The following PCDH15 variants were observed in gnomAD, a reference collection of about 807,000 sequenced individuals.
PCDH15 encodes the protein protocadherin related 15, also known as protocadherin-15.
Under a neutral mutation model 178.5 loss-of-function variants are expected in PCDH15, and 129 were observed. That is an observed-to-expected ratio of 0.72 (90% CI 0.63 to 0.84). The LOEUF (loss-of-function observed/expected upper bound fraction) is 0.84, where lower values mean the gene tolerates loss of function less well. Among genes scored for constraint, PCDH15 ranks in the 40% least tolerant of loss-of-function variants. The pLI is 0.00. For missense variants in PCDH15, 2,230 were observed against 2,099.9 expected, an observed-to-expected ratio of 1.06 and a Z score of -1.21; for synonymous variants, 800 against 732.0, an observed-to-expected ratio of 1.09 and a Z score of -1.50.
intron 2 of PCDH15, among the ~76,000 whole-genome samples, chr10:55,434,628 C>T (rs11004858): frequency 6.0e-4 from 88 of 146,224 alleles, no homozygotes; most frequent in African/African-American, 2.1e-3. Flanking sequence ...TTTTTTGAGA[C>T]AGAGTCTTGC....
chr10:55,343,866 C>G (rs1230344748), intron 2 of PCDH15, among the ~76,000 whole-genome samples: 3 of 152,084 alleles, frequency 2.0e-5, no homozygotes, highest in Non-Finnish European at 4.4e-5. Flanking sequence ...CAGAAAAAAA[C>G]TCAATGCCTT....
chr10:53,925,134 T>C (rs945815984), intron 25 of PCDH15, among the ~76,000 whole-genome samples: 4 of 152,112 alleles, frequency 2.6e-5, no homozygotes, highest in African/African-American at 9.7e-5. Flanking sequence ...CTGTGGAAGC[T>C]TCATTCTTTC....
chr10:54,012,311 C>G (rs905206805), intron 20 of PCDH15, among the ~76,000 whole-genome samples: 4 of 152,088 alleles, frequency 2.6e-5, no homozygotes, highest in African/African-American at 9.7e-5. Flanking sequence ...ACCAGATCTA[C>G]CCCTCATTGG....
At chr10:54,664,030 T>C in intron 2 of PCDH15, 142 bp downstream of exon 2, 1 of 706,704 alleles carries the variant, frequency 1.4e-6, no homozygotes, top group Non-Finnish European at 2.5e-6. Flanking sequence ...AAGCTTATTT[T>C]AGTTAAGGTT....
At chr10:55,227,256 T>C (rs577950823) in intron 1 of PCDH15, among the ~76,000 whole-genome samples, 2 of 152,080 alleles carry the variant, frequency 1.3e-5, no homozygotes, top group Admixed American at 6.6e-5. Context: ...AATCGATAAA[T>C]GTTTTTAAAA....
chr10:54,301,299 G>A (rs1014199610), intron 8 of PCDH15, among the ~76,000 whole-genome samples: 8 of 152,132 alleles, frequency 5.3e-5, no homozygotes, highest in African/African-American at 1.9e-4. Flanking sequence ...AGCTAGTTAT[G>A]CAAGTTATGA....
intron 15 of PCDH15, among the ~76,000 whole-genome samples, chr10:54,125,054 A>G (rs753105414): frequency 7.4e-5 from 11 of 147,874 alleles, no homozygotes; most frequent in Non-Finnish European, 1.3e-4. Flanking sequence ...TTCAAAAATG[A>G]GAAGAATGGA....
At position 53,852,978 on chromosome 10, in the gene PCDH15, C is replaced by T. The variant is rs181290479; in HGVS notation, c.3806+4197G>A. Among the ~76,000 whole-genome samples, 276 of 152,176 alleles carry T rather than the reference C, an allele frequency of 1.8e-3. 2 individuals carry two copies. The highest frequency in any genetic ancestry group is 6.6e-3 in the African/African-American group (273 of 41,530). On this transcript the variant is annotated intron_variant, in intron 28 of 37. Transcript: ENST00000644397. ...CTGAGTTATGTGTGTATTTTCATCA[C>T]TCATCCCAGACATGGATAGGGGGAG...
chr10:54,187,199 C>G (rs895433614), intron 11 of PCDH15, among the ~76,000 whole-genome samples: 1 of 151,864 alleles, frequency 6.6e-6, no homozygotes, highest in Non-Finnish European at 1.5e-5. Flanking sequence ...TACTTTGTTC[C>G]TTTTGTTCAA....
intron 9 of PCDH15, among the ~76,000 whole-genome samples, chr10:54,234,793 G>T (rs2054457706): frequency 6.6e-6 from 1 of 152,064 alleles, no homozygotes; most frequent in African/African-American, 2.4e-5. Flanking sequence ...TATTGTTTGG[G>T]ACAATCCACT....
intron 15 of PCDH15, among the ~76,000 whole-genome samples, chr10:54,117,205 G>A (rs1220266259): frequency 1.3e-5 from 2 of 152,102 alleles, no homozygotes; most frequent in Non-Finnish European, 2.9e-5. Flanking sequence ...GTGAATGTGG[G>A]GTCCAGTCAC....
At chr10:54,381,836 A>G (rs1949271932) in intron 3 of PCDH15, among the ~76,000 whole-genome samples, 1 of 152,150 alleles carries the variant, frequency 6.6e-6, no homozygotes, top group Non-Finnish European at 1.5e-5. Context: ...CTCATATAAT[A>G]GAAGTTAAGA....
At chr10:54,677,265 C>T (rs1422991012) in intron 1 of PCDH15, among the ~76,000 whole-genome samples, 1 of 152,028 alleles carries the variant, frequency 6.6e-6, no homozygotes, top group African/African-American at 2.4e-5. Context: ...TGAAGTCCTA[C>T]CACTCTCCAG....
chr10:54,602,010 C>A (rs1217073471), intron 2 of PCDH15, among the ~76,000 whole-genome samples: 2 of 151,744 alleles, frequency 1.3e-5, no homozygotes, highest in Admixed American at 6.6e-5. Flanking sequence ...GGGAGAGGAT[C>A]TGAAAAAAGT....
intron 1 of PCDH15, among the ~76,000 whole-genome samples, chr10:54,761,279 G>T (rs1238914641): frequency 6.6e-6 from 1 of 152,052 alleles, no homozygotes; most frequent in African/African-American, 2.4e-5. Flanking sequence ...TGTAGTTTGG[G>T]TCATGTTTAT....
intron 20 of PCDH15, among the ~76,000 whole-genome samples, chr10:53,999,526 G>C (rs1459471152): frequency 6.6e-6 from 1 of 152,030 alleles, no homozygotes; most frequent in African/African-American, 2.4e-5. Context: ...TTACTGCCAG[G>C]CTAGGCATAT....
intron 3 of PCDH15, among the ~76,000 whole-genome samples, chr10:54,892,257 G>C (rs1441273948): frequency 6.6e-6 from 1 of 152,016 alleles, no homozygotes; most frequent in African/African-American, 2.4e-5. Flanking sequence ...TCTGTTGTAG[G>C]CTGGATTAGT....
At chr10:54,445,930 A>T (rs1458364824) in intron 3 of PCDH15, among the ~76,000 whole-genome samples, 1 of 151,524 alleles carries the variant, frequency 6.6e-6, no homozygotes, top group Non-Finnish European at 1.5e-5. Flanking sequence ...CAGTTTCTTC[A>T]GTGCTTTTTT....
chr10:54,840,891 T>C lies in PCDH15; in HGVS notation c.-29+56559A>G, dbSNP rs1364942271. On this transcript the variant is annotated intron_variant, in intron 3 of 5. Transcript: ENST00000458638. Reference sequence around the variant, plus strand: ...ATCGAGAGGATATAATGATTGTAAATATATATGCACCCAACAATAGATCTA... The same window carrying C: ...ATCGAGAGGATATAATGATTGTAAACATATATGCACCCAACAATAGATCTA... Among the ~76,000 whole-genome samples the C allele has an allele frequency of 5.9e-5, 9 of 151,896 alleles. No individual in the cohort carries two copies. The East Asian group carries it at 1.7e-3, about 29-fold the overall frequency.
Sources: gnomAD v4.1 joint callset for allele counts (sites outside exome capture counted in the v4.1 genomes callset) on GRCh38, gnomAD v4.1.1 for gene constraint, MANE v1.5 for transcripts, NCBI Gene and HGNC (gene_info 2026-07-23, HGNC 2026-07-21) for gene names.